Variants in HS6ST3 observed in about 807,000 individuals in gnomAD.
HS6ST3 encodes the protein heparan-sulfate 6-O-sulfotransferase 3.
In HS6ST3, 12 loss-of-function variants were observed where a neutral mutation model predicts 36.7. The ratio of observed to expected loss-of-function variants is 0.33; its 90% CI spans 0.21 to 0.53. The LOEUF is 0.53. Ranked by LOEUF, HS6ST3 falls within the 20% of genes least tolerant of loss-of-function variation. The pLI is 0.95. For synonymous variants in HS6ST3, 240 were observed against 257.5 expected (o/e 0.93, Z 0.65); for missense variants, 584 against 640.9 (o/e 0.91, Z 0.96).
chr13:96,215,439 A>G (rs2139359679), intron 1 of HS6ST3, among the ~76,000 whole-genome samples: 2 of 152,334 alleles, frequency 1.3e-5, no homozygotes, highest in Admixed American at 1.3e-4. Context: ...ATATAAAGAA[A>G]TGTTGCCTTT....
chr13:96,705,751 C>T (rs897662330), intron 1 of HS6ST3, among the ~76,000 whole-genome samples: 1 of 152,192 alleles, frequency 6.6e-6, no homozygotes, highest in Non-Finnish European at 1.5e-5. Flanking sequence ...GCATCCTCTC[C>T]CATCAGGCTC....
intron 1 of HS6ST3, among the ~76,000 whole-genome samples, chr13:96,640,365 T>G (rs1426745928): frequency 2.6e-5 from 4 of 152,110 alleles, no homozygotes; most frequent in Admixed American, 2.6e-4. Context: ...ATATGTCTTC[T>G]TTTGAGAAGT....
chr13:96,789,059 T>C (rs1877719748), intron 1 of HS6ST3, among the ~76,000 whole-genome samples: 1 of 151,878 alleles, frequency 6.6e-6, no homozygotes, highest in Admixed American at 6.6e-5. Flanking sequence ...TTTGTTTTTT[T>C]CTTGCTTGTT....
chr13:96,450,079 G>T lies in HS6ST3; in HGVS notation c.707+358510G>T, dbSNP rs543690133. Among the ~76,000 whole-genome samples the T allele has an allele frequency of 1.1e-4, 16 of 152,230 alleles. No homozygotes were observed. The South Asian group carries it at 3.3e-3, about 32-fold the overall frequency. ...CCATATTTATGCCTTATGTTCCAAA[G>T]ACCCAACTAGTTGTTTTATGTGGAA... is the stretch of plus-strand genomic sequence containing the variant. On this transcript the variant is annotated intron_variant, in intron 1 of 1. Transcript: ENST00000376705.
chr13:96,153,736 A>G (rs1025151241), intron 1 of HS6ST3, among the ~76,000 whole-genome samples: 4 of 152,262 alleles, frequency 2.6e-5, no homozygotes, highest in South Asian at 2.1e-4. Context: ...AGTAAATTAC[A>G]TAGGCTAAAC....
At chr13:96,285,402 C>G (rs1023515496) in intron 1 of HS6ST3, among the ~76,000 whole-genome samples, 7 of 152,138 alleles carry the variant, frequency 4.6e-5, no homozygotes, top group Non-Finnish European at 7.4e-5. Flanking sequence ...AGTTATGAAA[C>G]TATAATCACC....
rs573825897 is a variant in HS6ST3 at position 96,679,481 on chromosome 13, A to G, written c.708-153009A>G. ...TCATGTAAAGTGGTAACATGGACAC[A>G]TTCACACAAGCATATTTGGATCCTT... On this transcript the variant is annotated intron_variant, in intron 1 of 1. Transcript: ENST00000376705. Among the ~76,000 whole-genome samples, 54 of 152,140 alleles carry G rather than the reference A, an allele frequency of 3.5e-4. 1 individual carries two copies. The highest frequency in any genetic ancestry group is 1.1e-3 in the Admixed American group (17 of 15,256).
intron 1 of HS6ST3, among the ~76,000 whole-genome samples, chr13:96,398,876 G>T (rs2055435138): frequency 6.6e-6 from 1 of 152,190 alleles, no homozygotes; most frequent in African/African-American, 2.4e-5. Context: ...GCTGAGGGTG[G>T]CCCCTACATG....
intron 1 of HS6ST3, among the ~76,000 whole-genome samples, chr13:96,530,846 C>G (rs1480410251): frequency 6.6e-6 from 1 of 152,162 alleles, no homozygotes; most frequent in Non-Finnish European, 1.5e-5. Context: ...CCACTACCCT[C>G]TTGAGACACA....
At chr13:96,217,018 G>T (rs1465233752) in intron 1 of HS6ST3, among the ~76,000 whole-genome samples, 1 of 152,186 alleles carries the variant, frequency 6.6e-6, no homozygotes, top group Admixed American at 6.6e-5. Flanking sequence ...CTCTCTTTCT[G>T]TGTTCCGCCT....
At chr13:96,575,726 T>C (rs1218294718) in intron 1 of HS6ST3, among the ~76,000 whole-genome samples, 1 of 152,254 alleles carries the variant, frequency 6.6e-6, no homozygotes, top group East Asian at 1.9e-4. Context: ...CCCCTTTTTA[T>C]TGTTGCTGAT....
At chr13:96,396,002 A>G (rs1310446923) in intron 1 of HS6ST3, among the ~76,000 whole-genome samples, 3 of 152,104 alleles carry the variant, frequency 2.0e-5, no homozygotes, top group African/African-American at 7.2e-5. Context: ...GAAAAATGAT[A>G]CCTACCTCCA....
intron 1 of HS6ST3, among the ~76,000 whole-genome samples, chr13:96,363,648 CTT>C (rs1191798102): frequency 1.3e-5 from 2 of 152,056 alleles, no homozygotes; most frequent in African/African-American, 2.4e-5. Flanking sequence ...AGCAATCAGT[CTT>C]TTTAGACCAT....
chr13:96,264,517 A>G (rs971063459), intron 1 of HS6ST3, among the ~76,000 whole-genome samples: 1 of 152,174 alleles, frequency 6.6e-6, no homozygotes, highest in Non-Finnish European at 1.5e-5. Context: ...GATTGCTTGT[A>G]TTTCTGGTAC....
At position 96,835,521 on chromosome 13, in the gene HS6ST3, C is replaced by T. The variant is rs573296012; in HGVS notation, c.*2323C>T. On this transcript the variant is annotated 3_prime_UTR_variant, in exon 2 of 2. Transcript: ENST00000376705. ...AATGTTCGTCTCTCTCTCTCTCTCT[C>T]TCTAGCTTCTCATCTCATTGTTAGG... 1 of 151,962 alleles carries T rather than the reference C, an allele frequency of 6.6e-6. No homozygotes were observed. The highest frequency in any genetic ancestry group is 2.1e-4 in the South Asian group (1 of 4,780). The allele number at this position is 151,962 out of a possible 1,614,324, so 9.4% of individuals were successfully genotyped here. A position where few individuals can be genotyped will look rare whatever the true frequency, so the allele number is the denominator to read the frequency against.
intron 1 of HS6ST3, among the ~76,000 whole-genome samples, chr13:96,738,976 G>A (rs1263442619): frequency 1.3e-5 from 2 of 151,954 alleles, no homozygotes; most frequent in African/African-American, 2.4e-5. Flanking sequence ...AACTCTTCTC[G>A]TCAATATAAC....
At chr13:96,793,245 A>G (rs1452892376) in intron 1 of HS6ST3, among the ~76,000 whole-genome samples, 4 of 152,024 alleles carry the variant, frequency 2.6e-5, no homozygotes, top group African/African-American at 7.2e-5. Context: ...ACAGCTGCAC[A>G]CAGAAGGATT....
At chr13:96,713,459 C>CA (rs1408288306) in intron 1 of HS6ST3, among the ~76,000 whole-genome samples, 7 of 152,182 alleles carry the variant, frequency 4.6e-5, no homozygotes, top group African/African-American at 1.7e-4. Flanking sequence ...TTAATGGCTC[C>CA]AAAAAATGCA....
intron 1 of HS6ST3, among the ~76,000 whole-genome samples, chr13:96,221,097 C>A (rs933982851): frequency 1.3e-5 from 2 of 152,170 alleles, no homozygotes; most frequent in Non-Finnish European, 2.9e-5. Flanking sequence ...TCTGCCCTCC[C>A]TCCACCATAA....
Sources: gnomAD v4.1 joint callset for allele counts (sites outside exome capture counted in the v4.1 genomes callset) on GRCh38, gnomAD v4.1.1 for gene constraint, MANE v1.5 for transcripts, NCBI Gene and HGNC (gene_info 2026-07-23, HGNC 2026-07-21) for gene names.